MINDY4: variants seen among roughly 807,000 people sequenced by gnomAD.
The protein encoded by MINDY4 is probable ubiquitin carboxyl-terminal hydrolase MINDY-4.
MINDY4 carries 68 observed loss-of-function variants against 87.0 expected under a neutral mutation model. The observed-to-expected ratio is 0.78, with a 90% CI of 0.64 to 0.96. MINDY4 has a LOEUF of 0.96. MINDY4 is among the 40% of genes least tolerant of loss of function. MINDY4 has a pLI of 0.00. For synonymous variants in MINDY4, 379 were observed against 363.2 expected (o/e 1.04, Z -0.50); for missense variants, 919 against 928.2 (o/e 0.99, Z 0.13).
chr7:30,868,529 A>T (rs1790007276), intron 13 of MINDY4, among the ~76,000 whole-genome samples: 1 of 152,180 alleles, frequency 6.6e-6, no homozygotes, highest in Admixed American at 6.5e-5. Flanking sequence ...GTATGGACAG[A>T]GGGCAGGTGG....
At chr7:30,820,110 C>T (rs995348114) in intron 5 of MINDY4, among the ~76,000 whole-genome samples, 3 of 151,382 alleles carry the variant, frequency 2.0e-5, no homozygotes, top group Non-Finnish European at 4.4e-5. Context: ...ACCGTTTTAG[C>T]CGGGATGGTC....
intron 9 of MINDY4, among the ~76,000 whole-genome samples, chr7:30,844,749 C>A (rs1366481315): frequency 6.6e-6 from 1 of 152,114 alleles, no homozygotes; most frequent in Non-Finnish European, 1.5e-5. Context: ...CCTCAGCCAC[C>A]CTGGGAGAGG....
intron 9 of MINDY4, among the ~76,000 whole-genome samples, chr7:30,848,263 C>T (rs1471534520): frequency 1.3e-5 from 2 of 152,192 alleles, no homozygotes; most frequent in Non-Finnish European, 2.9e-5. Context: ...TAGGAAGACA[C>T]GCCCCCACCC....
chr7:30,838,513 C>T (rs570506138), intron 7 of MINDY4, among the ~76,000 whole-genome samples: 1 of 152,224 alleles, frequency 6.6e-6, no homozygotes, highest in African/African-American at 2.4e-5. Context: ...GCAGTGTGAT[C>T]TCTGCTGCAC....
chr7:30,790,665 G>A (rs1336874715), intron 4 of MINDY4, among the ~76,000 whole-genome samples: 2 of 152,058 alleles, frequency 1.3e-5, no homozygotes, highest in African/African-American at 2.4e-5. Flanking sequence ...GGCTGGTCTC[G>A]AATTCCTGAC....
At chr7:30,836,824 T>C in intron 7 of MINDY4, 60 bp downstream of exon 7, 2 of 1,289,498 alleles carry the variant, frequency 1.6e-6, no homozygotes, top group Non-Finnish European at 2.2e-6. Context: ...ATAGATGGCG[T>C]GATTTTGGTG....
intron 15 of MINDY4, among the ~76,000 whole-genome samples, chr7:30,880,881 A>G (rs1261401767): frequency 2.6e-5 from 4 of 152,102 alleles, no homozygotes; most frequent in African/African-American, 9.7e-5. Context: ...GGCAGCTTTA[A>G]ATGTGCAGGA....
intron 3 of MINDY4, 32 bp from the exon 4 acceptor site, chr7:30,785,717 T>A: frequency 6.2e-7 from 1 of 1,610,946 alleles, no homozygotes; most frequent in Non-Finnish European, 8.5e-7. Context: ...TTTTGGGGAG[T>A]CTGTTTTAAT....
rs146180317 is a variant in MINDY4, at chr7:30,887,777, G to A, written c.2226-4180G>A. Among the ~76,000 whole-genome samples, 875 of 152,334 alleles carry A rather than the reference G, an allele frequency of 5.7e-3. 7 individuals carry two copies. Among genetic ancestry groups the A allele is most frequent in the African/African-American group, 0.02 (819 of 41,580 alleles). The stretch of plus-strand genomic sequence containing the variant: ...CTTGGAGCCTGGCCTGGGTGCTGAC[G>A]GGGACCCGCGGGTGGCAGTCAGAGA... On this transcript the variant is annotated intron_variant, in intron 17 of 17. Coordinates refer to ENST00000265299, the MANE Select transcript of MINDY4 (RefSeq NM_032222.3).
At chr7:30,814,289 G>A (rs1190807114) in intron 5 of MINDY4, among the ~76,000 whole-genome samples, 1 of 152,056 alleles carries the variant, frequency 6.6e-6, no homozygotes, top group African/African-American at 2.4e-5. Context: ...ATGCTATTCG[G>A]GTTATTATCA....
At chr7:30,859,227 A>T (rs1221865155) in intron 12 of MINDY4, 30 bp from the exon 13 acceptor site, 4 of 1,604,500 alleles carry the variant, frequency 2.5e-6, no homozygotes, top group Non-Finnish European at 2.6e-6. Context: ...TGCAAATGGG[A>T]TGGAGCTCAT....
intron 5 of MINDY4, among the ~76,000 whole-genome samples, chr7:30,824,584 T>C (rs1788438722): frequency 6.6e-6 from 1 of 152,190 alleles, no homozygotes; most frequent in African/African-American, 2.4e-5. Flanking sequence ...TCTCAGTTTT[T>C]ATTTTTTTGC....
At chr7:30,871,233 T>G (rs1472340926) in intron 13 of MINDY4, among the ~76,000 whole-genome samples, 2 of 152,242 alleles carry the variant, frequency 1.3e-5, no homozygotes, top group African/African-American at 4.8e-5. Context: ...TCTGTGCTTC[T>G]TCCCACATCT....
chr7:30,796,498 A>G (rs897266485), intron 5 of MINDY4, among the ~76,000 whole-genome samples: 5 of 152,232 alleles, frequency 3.3e-5, no homozygotes, highest in African/African-American at 1.2e-4. Flanking sequence ...AGACTTTTAA[A>G]AAAGATTTTA....
At chr7:30,806,974 AAG>A (rs1787828754) in intron 5 of MINDY4, among the ~76,000 whole-genome samples, 1 of 152,248 alleles carries the variant, frequency 6.6e-6, no homozygotes, top group Non-Finnish European at 1.5e-5. Flanking sequence ...TGGAAAGTCT[AAG>A]AGAGGACAGT....
chr7:30,779,619 G>A (rs972700728), intron 2 of MINDY4: 9 of 152,204 alleles, frequency 5.9e-5, no homozygotes, highest in African/African-American at 9.7e-5. Flanking sequence ...GCCTCTCAGC[G>A]TCCAGCTTTA....
At chr7:30,774,166 A>G (rs1786732713) in intron 1 of MINDY4, among the ~76,000 whole-genome samples, 1 of 152,212 alleles carries the variant, frequency 6.6e-6, no homozygotes, top group Non-Finnish European at 1.5e-5. Context: ...TGACCATTTC[A>G]TACCTTCTCT....
At chr7:30,791,825 A>T (rs938582427) in intron 5 of MINDY4, among the ~76,000 whole-genome samples, 1 of 152,202 alleles carries the variant, frequency 6.6e-6, no homozygotes, top group Non-Finnish European at 1.5e-5. Context: ...CCTGGGCCAC[A>T]TTGGAAGAAC....
At chr7:30,888,128 G>A (rs1790689001) in intron 17 of MINDY4, among the ~76,000 whole-genome samples, 1 of 152,172 alleles carries the variant, frequency 6.6e-6, no homozygotes, top group Non-Finnish European at 1.5e-5. Context: ...ACGTTGAAAA[G>A]CAGTTAAGGC....
Sources: allele counts gnomAD v4.1 joint callset (sites outside exome capture counted in the v4.1 genomes callset), GRCh38; gene constraint gnomAD v4.1.1; transcripts MANE v1.5; gene names NCBI Gene and HGNC (gene_info 2026-07-23, HGNC 2026-07-21).